U2SURP: variants seen among roughly 807,000 people sequenced by gnomAD.
U2SURP encodes U2 snRNP-associated SURP motif-containing protein.
In U2SURP, 9 loss-of-function variants were observed where a neutral mutation model predicts 144.9. That is an observed-to-expected ratio of 0.06 (90% confidence interval 0.04 to 0.11). The LOEUF (loss-of-function observed/expected upper bound fraction) is 0.11, where lower values mean the gene tolerates loss of function less well. Among genes scored for constraint, U2SURP ranks in the 10% least tolerant of loss-of-function variants. The pLI, the probability that U2SURP is intolerant of heterozygous loss-of-function variation, is 1.00. For synonymous variants in U2SURP, 408 were observed against 396.8 expected (o/e 1.03, Z -0.33); for missense variants, 724 against 1,226.7 (o/e 0.59, Z 6.12).
At chr3:143,049,093 T>TAA (rs368050643) in intron 24 of U2SURP, among the ~76,000 whole-genome samples, 42 of 126,980 alleles carry the variant, frequency 3.3e-4, no homozygotes, top group East Asian at 1.1e-3. Flanking sequence ...TGTCTCTGCT[T>TAA]AAAAAAAAAA....
In U2SURP at chr3:143,011,006, T is replaced by C. The variant is rs573350006; in HGVS notation, c.90+147T>C. On this transcript the variant is annotated intron_variant, in intron 2 of 27. Transcript: ENST00000473835. Reference sequence around the variant, plus strand: ...CTCTTTTTTTTCTAGGCGCCTTCCTTTTTTTTTTTTATGTTCTGCTTGCAT... The same window carrying C: ...CTCTTTTTTTTCTAGGCGCCTTCCTCTTTTTTTTTTATGTTCTGCTTGCAT... The C allele has an allele frequency of 8.6e-6, 4 of 464,612 alleles. No homozygotes were observed. The Admixed American group carries it at 1.3e-4, about 15-fold the overall frequency. The allele number at this position is 464,612 out of a possible 1,614,324, so 28.8% of individuals were successfully genotyped here.
At position 143,027,242 on chromosome 3, in the gene U2SURP, T is replaced by C; in HGVS notation, c.1368T>C (p.Asn456=). 1 of 1,612,300 alleles carries C rather than the reference T, an allele frequency of 6.2e-7. No homozygotes were observed. Among genetic ancestry groups the C allele is most frequent in the Non-Finnish European group, 8.5e-7 (1 of 1,178,642 alleles). The change falls in exon 14 of 28, where the codon AAT becomes AAC. Residue 456 remains asparagine, a synonymous_variant. Transcript: ENST00000473835. The part of the protein sequence containing the change: ...EAMIMNREIN[N]PMFRFLFENQ... ...TGATTATGAACAGAGAAATCAACAA[T>C]CCTATGTTCAGGTGTGCATTTTTTA...
intron 1 of U2SURP, among the ~76,000 whole-genome samples, chr3:143,003,677 C>CTTTTTTTTTTTTTTT (rs60505715): frequency 1.3e-4 from 13 of 101,508 alleles, no homozygotes; most frequent in Non-Finnish European, 1.7e-4. Flanking sequence ...TATTTTATTT[C>CTTTTTTTTTTTTTTT]TTTTTTTTTT....
chr3:143,031,876 A>G (rs1250047571), intron 16 of U2SURP, among the ~76,000 whole-genome samples: 1 of 152,174 alleles, frequency 6.6e-6, no homozygotes, highest in Admixed American at 6.5e-5. Context: ...CTGAAGATGT[A>G]TGTTCATAAT....
At chr3:143,005,341 C>G (rs1443216993) in intron 1 of U2SURP, among the ~76,000 whole-genome samples, 1 of 152,094 alleles carries the variant, frequency 6.6e-6, no homozygotes, top group Non-Finnish European at 1.5e-5. Context: ...GCTTGTGAAC[C>G]TTAGGTATTT....
intron 25 of U2SURP, among the ~76,000 whole-genome samples, chr3:143,051,833 A>C (rs1040274290): frequency 6.6e-6 from 1 of 152,044 alleles, no homozygotes; most frequent in Non-Finnish European, 1.5e-5. Context: ...TTTTTCTCTG[A>C]AACTGGGTTG....
At chr3:143,029,271 T>G (rs1933336157) in intron 16 of U2SURP, among the ~76,000 whole-genome samples, 1 of 152,244 alleles carries the variant, frequency 6.6e-6, no homozygotes, top group South Asian at 2.1e-4. Context: ...TTTATTGCGC[T>G]TTGACTTACT....
chr3:143,014,575 T>G (rs893608472), intron 4 of U2SURP, among the ~76,000 whole-genome samples, 166 bp downstream of exon 4: 1 of 152,066 alleles, frequency 6.6e-6, no homozygotes, highest in African/African-American at 2.4e-5. Context: ...GGAGTTGAGC[T>G]TCTATCCTTG....
intron 13 of U2SURP, among the ~76,000 whole-genome samples, chr3:143,024,704 A>C (rs1012775827): frequency 6.6e-6 from 1 of 152,216 alleles, no homozygotes. Context: ...ATAAATGAAC[A>C]CAAAAGAATA....
intron 7 of U2SURP, 143 bp downstream of exon 7, chr3:143,020,179 G>T (rs1347083889): frequency 1.1e-5 from 6 of 539,688 alleles, no homozygotes; most frequent in African/African-American, 2.0e-5. Context: ...ATAATATTTG[G>T]TGGGCTATCT....
Position 143,056,900 on chromosome 3 carries a change from T to A in U2SURP, c.*450T>A. 1 of 165,484 alleles carries A rather than the reference T, an allele frequency of 6.0e-6. No homozygotes were observed. Among genetic ancestry groups the A allele is most frequent in the Admixed American group, 5.7e-5 (1 of 17,450 alleles). The allele number at this position is 165,484 out of a possible 1,614,324, so 10.3% of individuals were successfully genotyped here. ...TAAGTCCCTTAAAGTCCTACTGAGT[T>A]TCACACTACTGTTGTGCTTCTTATA... On this transcript the variant is annotated 3_prime_UTR_variant, in exon 28 of 28. Transcript: ENST00000473835.
intron 14 of U2SURP, 135 bp from the exon 15 acceptor site, chr3:143,028,205 A>T: frequency 9.6e-7 from 1 of 1,041,614 alleles, no homozygotes; most frequent in Non-Finnish European, 1.4e-6. Context: ...AGTGGGTGAG[A>T]TTCTCTTCAG....
intron 16 of U2SURP, among the ~76,000 whole-genome samples, chr3:143,031,405 C>CAGCCTTCAGCTACCACCGCCCT: frequency 2.0e-5 from 1 of 48,846 alleles, no homozygotes; most frequent in African/African-American, 9.2e-5. Context: ...GCAGCCACCC[C>CAGCCTTCAGCTACCACCGCCCT]AACCTTCAGC....
chr3:143,050,218 C>A (rs1423925370), intron 24 of U2SURP, among the ~76,000 whole-genome samples: 2 of 152,118 alleles, frequency 1.3e-5, no homozygotes, highest in Non-Finnish European at 2.9e-5. Context: ...GGATTATAGG[C>A]ATGTGCCACC....
chr3:143,036,305 T>C (rs1474516088), intron 20 of U2SURP, among the ~76,000 whole-genome samples: 1 of 152,180 alleles, frequency 6.6e-6, no homozygotes, highest in East Asian at 1.9e-4. Context: ...TGTGTCCTTA[T>C]GTGAAAATTG....
intron 11 of U2SURP, 29 bp downstream of exon 11, chr3:143,022,691 C>A: frequency 6.3e-7 from 1 of 1,585,712 alleles, no homozygotes; most frequent in Non-Finnish European, 8.6e-7. Flanking sequence ...TCCATTTATA[C>A]AATTCAGATA....
At chr3:143,050,795 C>T (rs1934816713) in intron 24 of U2SURP, 144 bp from the exon 25 acceptor site, 1 of 542,022 alleles carries the variant, frequency 1.8e-6, no homozygotes, top group African/African-American at 1.9e-5. Context: ...CCTAGTTGGA[C>T]TTGTCTGACA....
chr3:143,020,683 G>A lies in U2SURP; in HGVS notation c.723G>A (p.Gln241=), dbSNP rs183411991. The A allele has an allele frequency of 3.7e-5, 60 of 1,612,478 alleles. No homozygotes were observed. In the Admixed American group the frequency reaches 7.2e-4, roughly 19 times the overall value. Residue 241 remains glutamine (Q), a synonymous_variant, in exon 8 of 28, where the codon CAG becomes CAA. Transcript: ENST00000473835. Reference sequence around the variant, plus strand: ...CTCCTCAGTCAGATTCTGATGGTCAGCGTCGTTCTAGTAAGTGGCATTTAT... The same window carrying A: ...CTCCTCAGTCAGATTCTGATGGTCAACGTCGTTCTAGTAAGTGGCATTTAT... The part of the protein sequence containing the change: ...FEPPQSDSDG[Q]RRSMDAPSRR...
At position 143,054,964 on chromosome 3, in the gene U2SURP, C is replaced by A. The variant is rs1346399850; in HGVS notation, c.2796C>A (p.Ser932=). 3 of 1,608,608 alleles carry A rather than the reference C, an allele frequency of 1.9e-6. No individual in the cohort carries two copies. The Admixed American group carries it at 5.1e-5, about 27-fold the overall frequency. The part of the protein sequence containing the change: ...RKERKRRHST[S]PSPSRSSSGR... ...ATAGGAAGAGGCGACACAGTACATC[C>A]CCCAGCCCATCTCGCAGTAGCAGTG... The change falls in exon 27 of 28, where the codon TCC becomes TCA. Residue 932 remains serine, a synonymous_variant. Coordinates refer to ENST00000473835, the MANE Select transcript of U2SURP (RefSeq NM_001080415.2).
Sources: gnomAD v4.1 joint callset for allele counts (sites outside exome capture counted in the v4.1 genomes callset) on GRCh38, gnomAD v4.1.1 for gene constraint, MANE v1.5 for transcripts, NCBI Gene and HGNC (gene_info 2026-07-23, HGNC 2026-07-21) for gene names.